The following ANKRD26 variants were observed in gnomAD, a reference collection of about 807,000 sequenced individuals.
ANKRD26 encodes the protein ankyrin repeat domain 26.
Under a neutral mutation model 208.7 loss-of-function variants are expected in ANKRD26, and 141 were observed. The ratio of observed to expected loss-of-function variants is 0.68; its 90% CI spans 0.59 to 0.78. The LOEUF is 0.78. ANKRD26 is among the 30% of genes least tolerant of loss of function. The pLI, the probability that ANKRD26 is intolerant of heterozygous loss-of-function variation, is 0.00. For missense variants in ANKRD26, 1,889 were observed against 1,938.7 expected, an observed-to-expected ratio of 0.97 and a Z score of 0.48; for synonymous variants, 636 against 660.4, an observed-to-expected ratio of 0.96 and a Z score of 0.57.
downstream of ANKRD26, among the ~76,000 whole-genome samples, chr10:26,973,839 T>A (rs1185687998): frequency 6.6e-6 from 1 of 151,760 alleles, no homozygotes; most frequent in Non-Finnish European, 1.5e-5. Context: ...TTTTTTTTAG[T>A]AGAGACGGGG....
chr10:26,975,552 G>C (rs780012177), exon 6 of ANKRD26, among the ~76,000 whole-genome samples: 1 of 151,914 alleles, frequency 6.6e-6, no homozygotes, highest in Non-Finnish European at 1.5e-5. Flanking sequence ...CTAAAGAGGA[G>C]CTCTACAGGC....
At chr10:27,034,124 T>C (rs945300413) in intron 24 of ANKRD26, among the ~76,000 whole-genome samples, 5 of 152,310 alleles carry the variant, frequency 3.3e-5, no homozygotes, top group Non-Finnish European at 7.3e-5. Flanking sequence ...TAAATACCAC[T>C]GGGGAGATTA....
At chr10:27,046,315 C>T (rs767670116) in intron 18 of ANKRD26, 38 bp downstream of exon 18, 3 of 1,602,382 alleles carry the variant, frequency 1.9e-6, no homozygotes, top group South Asian at 1.1e-5. Flanking sequence ...TACTACTAAC[C>T]TTCCTCCATA....
intron 27 of ANKRD26, among the ~76,000 whole-genome samples, chr10:27,026,198 T>A (rs1014572510): frequency 2.0e-5 from 3 of 152,224 alleles, no homozygotes; most frequent in African/African-American, 7.2e-5. Flanking sequence ...CTCTATTAAA[T>A]TTTTGATTCA....
At chr10:26,995,574 T>C (rs2052573403) in intron 4 of ANKRD26, among the ~76,000 whole-genome samples, 1 of 152,200 alleles carries the variant, frequency 6.6e-6, no homozygotes, top group African/African-American at 2.4e-5. Context: ...AAATATGGTA[T>C]CCAGTTCCTA....
At chr10:26,952,631 A>G in the ANKRD26 span, among the ~76,000 whole-genome samples, 2 of 152,228 alleles carry the variant, frequency 1.3e-5, no homozygotes, top group East Asian at 3.8e-4. Flanking sequence ...ACTCTCTCTT[A>G]AAAAATAATA....
At chr10:27,083,013 T>C (rs531727009) in intron 5 of ANKRD26, among the ~76,000 whole-genome samples, 180 bp from the exon 6 acceptor site, 15 of 152,232 alleles carry the variant, frequency 9.9e-5, no homozygotes, top group Non-Finnish European at 1.6e-4. Flanking sequence ...AAAAAGTTAA[T>C]CTTCCCTGCA....
intron 11 of ANKRD26, among the ~76,000 whole-genome samples, chr10:27,064,546 A>G (rs2055173448): frequency 6.6e-6 from 1 of 152,212 alleles, no homozygotes; most frequent in South Asian, 2.1e-4. Flanking sequence ...AACATTTAAA[A>G]TATTTCTAAT....
intron 30 of ANKRD26, 132 bp downstream of exon 30, chr10:27,017,370 C>G: frequency 1.2e-6 from 1 of 849,478 alleles, no homozygotes; most frequent in Non-Finnish European, 1.9e-6. Context: ...AAGGGAGAAA[C>G]AGATGCCATC....
intron 4 of ANKRD26, 127 bp downstream of exon 4, chr10:27,092,279 A>C: frequency 2.9e-6 from 2 of 681,520 alleles, no homozygotes; most frequent in South Asian, 3.4e-5. Flanking sequence ...AGTGAGAAAC[A>C]CCAACGAATC....
In ANKRD26 at chr10:27,077,707, A is replaced by C; in HGVS notation, c.814-14T>G. ...TTTTGGGACATTCTAGAAAACAAAA[A>C]TAAGAATAACAAGTTTTAAAAAAAC... is the stretch of plus-strand genomic sequence containing the variant. On this transcript the variant is annotated splice_polypyrimidine_tract_variant and intron_variant, in intron 7 of 33. Transcript: ENST00000376087. The C allele has an allele frequency of 6.2e-7, 1 of 1,604,486 alleles. No individual in the cohort carries two copies. The highest frequency in any genetic ancestry group is 8.5e-7 in the Non-Finnish European group (1 of 1,174,066).
intron 5 of ANKRD26, among the ~76,000 whole-genome samples, chr10:26,979,646 C>T (rs774857454): frequency 1.3e-4 from 20 of 152,120 alleles, no homozygotes; most frequent in African/African-American, 4.8e-4. Flanking sequence ...GGAGAGCTCA[C>T]GTTATGATTA....
At chr10:26,985,597 G>C (rs571564333) in intron 3 of ANKRD26, among the ~76,000 whole-genome samples, 24 of 152,120 alleles carry the variant, frequency 1.6e-4, no homozygotes, top group Non-Finnish European at 3.4e-4. Context: ...TCAGCAGATT[G>C]GTTACCCTGC....
At chr10:26,987,971 C>G (rs75908604), downstream of ANKRD26, among the ~76,000 whole-genome samples, 2 of 152,050 alleles carry the variant, frequency 1.3e-5, no homozygotes, top group African/African-American at 4.8e-5. Context: ...GGTCAGTAGC[C>G]CAGGTGCCGT....
At chr10:26,966,816 G>C in the ANKRD26 span, among the ~76,000 whole-genome samples, 1 of 152,076 alleles carries the variant, frequency 6.6e-6, no homozygotes, top group Non-Finnish European at 1.5e-5. Context: ...AGATCCAGTG[G>C]CATTACGGTG....
At chr10:27,074,792 AAAG>A (rs1166145473) in intron 9 of ANKRD26, among the ~76,000 whole-genome samples, 2 of 152,028 alleles carry the variant, frequency 1.3e-5, no homozygotes, top group Non-Finnish European at 2.9e-5. Flanking sequence ...ACAAAAATAA[AAAG>A]AATAAAATAA....
In ANKRD26 at chr10:27,077,350, A is replaced by G. The variant is rs1412682557; in HGVS notation, c.1065T>C (p.Pro355=). The G allele has an allele frequency of 6.2e-7, 1 of 1,613,642 alleles. No homozygotes were observed. Among genetic ancestry groups the G allele is most frequent in the South Asian group, 1.1e-5 (1 of 91,076 alleles). ...PKPSHKSLAN[P]GLMKEEPTKP... ...AAAAACAACTTACCTTCATAAGACC[A>G]GGGTTTGCTAACGACTTGTGGGAAG... is the stretch of plus-strand genomic sequence containing the variant. The change falls in exon 9 of 34, where the codon CCT becomes CCC. Residue 355 remains proline (P), a synonymous_variant. Coordinates refer to ENST00000376087, the MANE Select transcript of ANKRD26 (RefSeq NM_014915.3).
At chr10:27,038,292 G>A (rs887771701) in intron 21 of ANKRD26, among the ~76,000 whole-genome samples, 1 of 152,132 alleles carries the variant, frequency 6.6e-6, no homozygotes, top group Non-Finnish European at 1.5e-5. Context: ...TCTGTTATGA[G>A]TACCTCTGAT....
chr10:26,957,747 A>G, the ANKRD26 span, among the ~76,000 whole-genome samples: 1 of 152,192 alleles, frequency 6.6e-6, no homozygotes, highest in Non-Finnish European at 1.5e-5. Context: ...GACAAATAGT[A>G]AAGTATCATA....
Sources: gnomAD v4.1 joint callset for allele counts (sites outside exome capture counted in the v4.1 genomes callset) on GRCh38, gnomAD v4.1.1 for gene constraint, MANE v1.5 for transcripts, NCBI Gene and HGNC (gene_info 2026-07-23, HGNC 2026-07-21) for gene names.